Variants in CHD9 observed in about 807,000 individuals in gnomAD.
CHD9 encodes the protein chromodomain helicase DNA binding protein 9.
In CHD9, 77 loss-of-function variants were observed where a neutral mutation model predicts 316.1. The ratio of observed to expected loss-of-function variants is 0.24; its 90% CI spans 0.20 to 0.29. CHD9 has a LOEUF of 0.29. Among genes scored for constraint, CHD9 ranks in the 10% least tolerant of loss-of-function variants. CHD9 has a pLI of 1.00. For synonymous variants in CHD9, 1,129 were observed against 1,158.3 expected, an observed-to-expected ratio of 0.97 and a Z score of 0.51; for missense variants, 2,763 against 3,438.1, an observed-to-expected ratio of 0.80 and a Z score of 4.91.
At chr16:53,285,850 G>A (rs1054741096) in intron 25 of CHD9, among the ~76,000 whole-genome samples, 151 bp downstream of exon 25, 1 of 152,130 alleles carries the variant, frequency 6.6e-6, no homozygotes, top group African/African-American at 2.4e-5. Flanking sequence ...AACTATGTCT[G>A]TCAGTCACCA....
chr16:53,069,733 A>C (rs1285363039), intron 1 of CHD9, among the ~76,000 whole-genome samples: 1 of 152,184 alleles, frequency 6.6e-6, no homozygotes, highest in East Asian at 1.9e-4. Context: ...TCCTACTTGC[A>C]ATTCTGTTGA....
chr16:53,304,177 G>A lies in CHD9; in HGVS notation c.6171G>A (p.Gln2057=). The change falls in exon 31 of 39, where the codon CAG becomes CAA. Residue 2057 remains glutamine (Q), a synonymous_variant. Transcript: ENST00000447540. ...GTGAAAACCTTAAAGAGGAGCCTCA[G>A]TCTTCTGAAGAAGAATCTATGTCTT... ...VKSENLKEEP[Q]SSEEESMSSV... is the part of the protein sequence containing the mutation. The A allele has an allele frequency of 6.2e-7, 1 of 1,612,326 alleles. No individual in the cohort carries two copies. The highest frequency in any genetic ancestry group is 1.1e-5 in the South Asian group (1 of 90,904).
At position 53,229,001 on chromosome 16, in the gene CHD9, G is replaced by T; in HGVS notation, c.2187G>T (p.Glu729Asp). 6.4e-7 allele frequency: 1 copy of T among 1,567,884 alleles called. No individual in the cohort carries two copies. The highest frequency in any genetic ancestry group is 8.7e-7 in the Non-Finnish European group (1 of 1,155,398). Reference sequence around the variant, plus strand: ...ATTTTAGCTCCTATCTTCACTGTGAGTGGGCCACAGAAGAGCAGCTTTTGA... The same window carrying T: ...ATTTTAGCTCCTATCTTCACTGTGATTGGGCCACAGAAGAGCAGCTTTTGA... ...KYKNYSYLHC[E>D]WATEEQLLKD... Residue 729 changes from glutamate (E) to aspartate (D), a missense_variant, in exon 8 of 39, where the codon GAG becomes GAT. By Grantham distance (45) the Glu-to-Asp change is conservative (BLOSUM62 2). This residue lies in a region of CHD9 where 859 missense variants were observed against 890.4 expected (regional missense o/e 0.96). Coordinates refer to ENST00000447540, the MANE Select transcript of CHD9 (RefSeq NM_001308319.2).
chr16:53,321,042 C>T (rs753714711), intron 37 of CHD9: 5 of 345,444 alleles, frequency 1.4e-5, no homozygotes, highest in Non-Finnish European at 2.2e-5. Flanking sequence ...TAGCACAATA[C>T]TTGCCATATA....
intron 1 of CHD9, among the ~76,000 whole-genome samples, chr16:53,127,760 A>C (rs1052333615): frequency 6.6e-6 from 1 of 151,976 alleles, no homozygotes; most frequent in African/African-American, 2.4e-5. Flanking sequence ...GTCTCTGCTA[A>C]AAATACAAAA....
At chr16:53,077,373 G>T (rs2034626131) in intron 1 of CHD9, among the ~76,000 whole-genome samples, 1 of 151,762 alleles carries the variant, frequency 6.6e-6, no homozygotes, top group South Asian at 2.1e-4. Flanking sequence ...GCCCAGGCTG[G>T]AGTGCAGTGG....
At chr16:53,060,516 G>A (rs766454240) in intron 1 of CHD9, among the ~76,000 whole-genome samples, 1 of 152,028 alleles carries the variant, frequency 6.6e-6, no homozygotes, top group African/African-American at 2.4e-5. Flanking sequence ...CCAGAACTTT[G>A]GGGGGCTGAG....
chr16:53,196,004 T>C (rs987490268), intron 2 of CHD9, among the ~76,000 whole-genome samples: 6 of 152,056 alleles, frequency 3.9e-5, no homozygotes, highest in African/African-American at 1.4e-4. Flanking sequence ...ATGATTCACT[T>C]GCCTCAGCCT....
chr16:53,228,239 T>A (rs1738017580), intron 7 of CHD9, among the ~76,000 whole-genome samples: 1 of 152,134 alleles, frequency 6.6e-6, no homozygotes, highest in Admixed American at 6.5e-5. Flanking sequence ...ATAAAATACA[T>A]TTCTAATCTA....
chr16:53,193,395 G>A (rs959098045), intron 2 of CHD9, among the ~76,000 whole-genome samples: 8 of 151,928 alleles, frequency 5.3e-5, no homozygotes, highest in Non-Finnish European at 8.8e-5. Context: ...CTTGCAGTGA[G>A]CCGAGATCAC....
At chr16:53,313,583 G>A (rs1393357087) in intron 34 of CHD9, among the ~76,000 whole-genome samples, 2 of 151,984 alleles carry the variant, frequency 1.3e-5, no homozygotes, top group East Asian at 3.9e-4. Context: ...TGGGATTACA[G>A]GCGTGAGCCA....
intron 24 of CHD9, among the ~76,000 whole-genome samples, chr16:53,274,715 C>G (rs569406503): frequency 6.6e-6 from 1 of 152,168 alleles, no homozygotes; most frequent in Non-Finnish European, 1.5e-5. Context: ...GCCTTGGCCC[C>G]CCCACAAAGT....
At chr16:53,309,301 T>C (rs1423762149) in intron 34 of CHD9, among the ~76,000 whole-genome samples, 2 of 152,184 alleles carry the variant, frequency 1.3e-5, no homozygotes, top group Non-Finnish European at 2.9e-5. Flanking sequence ...AGAAACAAGG[T>C]TCCTTAAATA....
chr16:53,226,460 T>TA lies in CHD9; in HGVS notation c.1997dup (p.Asn667GlufsTer8). 1 of 1,607,756 alleles carries TA rather than the reference T, an allele frequency of 6.2e-7. No homozygotes were observed. The highest frequency in any genetic ancestry group is 8.5e-7 in the Non-Finnish European group (1 of 1,178,418). ...GAAGAGGTTAAAGGTTCTATGAAAA[T>TA]AAAAAAGAATTCAGCTCCTTTACCT... On this transcript the variant is annotated frameshift_variant, in exon 5 of 39. Transcript: ENST00000447540. LOFTEE classifies it high-confidence loss of function.
intron 34 of CHD9, among the ~76,000 whole-genome samples, chr16:53,312,766 G>T (rs575396427): frequency 6.6e-6 from 1 of 152,318 alleles, no homozygotes; most frequent in South Asian, 2.1e-4. Flanking sequence ...TATGAATTAA[G>T]TACCTTTTTG....
chr16:53,256,929 A>G (rs73601655), intron 19 of CHD9, among the ~76,000 whole-genome samples: 4,926 of 152,256 alleles, frequency 0.032, 99 homozygotes, highest in Middle Eastern at 0.071. Context: ...ATAGAAACTC[A>G]CTTGCATTCA....
chr16:53,235,187 C>G lies in CHD9; in HGVS notation c.2514C>G (p.Asp838Glu). 1.3e-6 allele frequency: 2 copies of G among 1,556,382 alleles called. No individual in the cohort carries two copies. The highest frequency in any genetic ancestry group is 1.7e-6 in the Non-Finnish European group (2 of 1,148,474). The change falls in exon 11 of 39, where the codon GAC (aspartate) becomes GAG (glutamate). Residue 838 changes from aspartate (D) to glutamate (E), a missense_variant and splice_region_variant. This residue lies in a region of CHD9 where 186 missense variants were observed against 245.0 expected (regional missense o/e 0.76). Coordinates refer to ENST00000447540, the MANE Select transcript of CHD9 (RefSeq NM_001308319.2). ...QASRPDTRRL[D>E]RPPSNIWKKI... ...TCATTCTTTGTTTTTCCACAAAGGA[C>G]CGTCCTCCTTCTAATATTTGGAAGA...
intron 1 of CHD9, among the ~76,000 whole-genome samples, chr16:53,129,529 T>C (rs1011520245): frequency 5.9e-5 from 9 of 152,224 alleles, no homozygotes; most frequent in African/African-American, 2.2e-4. Flanking sequence ...TCATGGGGAA[T>C]ATAAAGAATG....
intron 34 of CHD9, among the ~76,000 whole-genome samples, chr16:53,310,450 T>G (rs908966076): frequency 6.6e-6 from 1 of 152,192 alleles, no homozygotes; most frequent in Non-Finnish European, 1.5e-5. Context: ...TAAAGTGAGA[T>G]TGATACTTCT....
Sources: allele counts gnomAD v4.1 joint callset (sites outside exome capture counted in the v4.1 genomes callset), GRCh38; gene constraint gnomAD v4.1.1; regional missense constraint gnomAD v4.1.1; transcripts MANE v1.5; gene names NCBI Gene and HGNC (gene_info 2026-07-23, HGNC 2026-07-21).